Variants in ADARB2 observed in about 807,000 individuals in gnomAD.
ADARB2 encodes inactive double-stranded RNA-specific editase B2.
ADARB2 carries 25 observed loss-of-function variants against 62.2 expected under a neutral mutation model. That is an observed-to-expected ratio of 0.40 (90% confidence interval 0.29 to 0.56). ADARB2 has a LOEUF of 0.56. Among genes scored for constraint, ADARB2 ranks in the 20% least tolerant of loss-of-function variants. The probability of loss-of-function intolerance (pLI) is 0.43; values close to 1 mark genes in which losing one functional copy is unlikely to be tolerated. For missense variants in ADARB2, 1,071 were observed against 1,077.4 expected (o/e 0.99, Z 0.08); for synonymous variants, 572 against 500.8 (o/e 1.14, Z -1.90).
intron 1 of ADARB2, among the ~76,000 whole-genome samples, chr10:1,635,821 C>T (rs919859460): frequency 6.6e-6 from 1 of 152,228 alleles, no homozygotes; most frequent in Non-Finnish European, 1.5e-5. Flanking sequence ...CTGGACACCT[C>T]CTCACTCTAT....
At chr10:1,479,370 G>T (rs1831440477) in intron 1 of ADARB2, among the ~76,000 whole-genome samples, 1 of 152,154 alleles carries the variant, frequency 6.6e-6, no homozygotes, top group African/African-American at 2.4e-5. Context: ...GACAAGTTAG[G>T]GATAGCAGAT....
chr10:1,659,069 G>A (rs1834210525), intron 1 of ADARB2, among the ~76,000 whole-genome samples: 1 of 152,180 alleles, frequency 6.6e-6, no homozygotes, highest in African/African-American at 2.4e-5. Context: ...TTAATTGTCA[G>A]CCTAATTAAA....
chr10:1,182,502 G>A lies in ADARB2; in HGVS notation c.*691C>T, dbSNP rs530015226. ...CAGGCTCCCCACATCTGCAGCACGC[G>A]TGGGCCGGGTGTTTCCAGGCTCCCC... On this transcript the variant is annotated 3_prime_UTR_variant, in exon 10 of 10. Coordinates refer to ENST00000381312, the MANE Select transcript of ADARB2 (RefSeq NM_018702.4). 9.8e-5 allele frequency: 15 copies of A among 153,022 alleles called. No homozygotes were observed. Among genetic ancestry groups the A allele is most frequent in the African/African-American group, 3.6e-4 (15 of 41,516 alleles). The allele number at this position is 153,022 out of a possible 1,614,324, so 9.5% of individuals were successfully genotyped here.
rs552476416 is a variant in ADARB2, at chr10:1,354,266, C to T, written c.1077+8762G>A. On this transcript the variant is annotated intron_variant, in intron 3 of 9. Coordinates refer to ENST00000381312, the MANE Select transcript of ADARB2 (RefSeq NM_018702.4). ...GCTAAGCCATCATATTCGCTGTGACCTGCAGGTACACATCCATCTGGCCGG... is the reference window on the plus strand; with the variant it reads ...GCTAAGCCATCATATTCGCTGTGACTTGCAGGTACACATCCATCTGGCCGG... Among the ~76,000 whole-genome samples, 31 of 152,290 alleles carry T rather than the reference C, an allele frequency of 2.0e-4. No individual in the cohort carries two copies. In the South Asian group the frequency reaches 4.6e-3, roughly 22 times the overall value.
At position 1,358,054 on chromosome 10, in the gene ADARB2, C is replaced by CAGAG. The variant is rs371620862; in HGVS notation, c.1077+4970_1077+4973dup. Among the ~76,000 whole-genome samples, 533 of 152,232 alleles carry CAGAG rather than the reference C, an allele frequency of 3.5e-3. 1 individual carries two copies. Among genetic ancestry groups the CAGAG allele is most frequent in the African/African-American group, 0.012 (505 of 41,532 alleles). On this transcript the variant is annotated intron_variant, in intron 3 of 9. Transcript: ENST00000381312. ...ATAGTGTGTGTGAGAGAGGAAGTAA[C>CAGAG]AGAGAGAGAGACAGACAGAGAGAGA...
At chr10:1,636,759 T>C (rs563156605) in intron 1 of ADARB2, among the ~76,000 whole-genome samples, 1 of 149,066 alleles carries the variant, frequency 6.7e-6, no homozygotes, top group South Asian at 2.1e-4. Flanking sequence ...ATACATCATA[T>C]CAATATACAA....
intron 6 of ADARB2, among the ~76,000 whole-genome samples, chr10:1,220,089 AATGGTG>A (rs1340684553): frequency 4.3e-5 from 3 of 69,550 alleles, no homozygotes; most frequent in Non-Finnish European, 5.9e-5. Flanking sequence ...TGATGGTGGT[AATGGTG>A]ATGGTGGTGG....
chr10:1,265,349 C>T (rs1831184595), intron 4 of ADARB2, among the ~76,000 whole-genome samples: 1 of 152,240 alleles, frequency 6.6e-6, no homozygotes, highest in South Asian at 2.1e-4. Context: ...TCATGAAACA[C>T]AAGAGTTTCT....
intron 1 of ADARB2, among the ~76,000 whole-genome samples, chr10:1,488,105 T>A (rs1831566297): frequency 6.6e-6 from 1 of 152,222 alleles, no homozygotes; most frequent in Non-Finnish European, 1.5e-5. Flanking sequence ...ATTCCATTAC[T>A]TTTTATGTAT....
chr10:1,472,056 C>CT (rs1465957816), intron 1 of ADARB2, among the ~76,000 whole-genome samples: 1 of 152,234 alleles, frequency 6.6e-6, no homozygotes, highest in Non-Finnish European at 1.5e-5. Flanking sequence ...ACCCTAAAGT[C>CT]TAAGAGTTCA....
intron 1 of ADARB2, among the ~76,000 whole-genome samples, chr10:1,479,299 C>CCTGATGTG (rs1564302477): frequency 6.6e-6 from 1 of 152,114 alleles, no homozygotes; most frequent in African/African-American, 2.4e-5. Flanking sequence ...AGGAAGAAGC[C>CCTGATGTG]CTGATGTGTG....
intron 1 of ADARB2, among the ~76,000 whole-genome samples, chr10:1,624,989 A>G (rs117525282): frequency 0.011 from 1,654 of 152,332 alleles, 9 homozygotes; most frequent in Middle Eastern, 0.02. Flanking sequence ...ACATATATAT[A>G]TATGTAGAAG....
intron 1 of ADARB2, among the ~76,000 whole-genome samples, chr10:1,661,770 C>A (rs556405609): frequency 6.6e-6 from 1 of 152,298 alleles, no homozygotes; most frequent in Admixed American, 6.5e-5. Flanking sequence ...ATTGCACAGA[C>A]AGATACTTCA....
At chr10:1,725,549 C>T (rs1157483639) in intron 1 of ADARB2, among the ~76,000 whole-genome samples, 1 of 151,924 alleles carries the variant, frequency 6.6e-6, no homozygotes, top group African/African-American at 2.4e-5. Context: ...CGTCCAGGAC[C>T]CTGAAGCAGG....
In ADARB2 at chr10:1,566,102, A is replaced by C. The variant is rs1333212945; in HGVS notation, c.100+170949T>G. Reference sequence around the variant, plus strand: ...AAAAAAAAAAAAAAAAAAAAAAAAAAAAAAAAAACTCCCCTGTGTACAGTG... The same window carrying C: ...AAAAAAAAAAAAAAAAAAAAAAAAACAAAAAAAACTCCCCTGTGTACAGTG... On this transcript the variant is annotated intron_variant, in intron 1 of 9. Transcript: ENST00000381312. 7.1e-5 allele frequency among the ~76,000 whole-genome samples: 6 copies of C among 84,654 alleles called. 1 individual carries two copies. The East Asian group carries it at 1.1e-3, about 15-fold the overall frequency. The allele number at this position is 84,654 out of a possible 152,430, so 55.5% of individuals were successfully genotyped here. A position where few individuals can be genotyped will look rare whatever the true frequency, so the allele number is the denominator to read the frequency against.
At chr10:1,538,730 G>A (rs756431476) in intron 1 of ADARB2, among the ~76,000 whole-genome samples, 28 of 152,238 alleles carry the variant, frequency 1.8e-4, no homozygotes, top group African/African-American at 6.5e-4. Context: ...ACTAGAGGAC[G>A]TCACAACGTC....
In ADARB2 at chr10:1,450,590, C is replaced by T. The variant is rs182004334; in HGVS notation, c.101-71430G>A. The stretch of plus-strand genomic sequence containing the variant: ...TTTGTTGAGGATGTCTGGTTCTTCC[C>T]CAGGGGAAACTGATCACAAAGAGGA... On this transcript the variant is annotated intron_variant, in intron 1 of 9. Transcript: ENST00000381312. Among the ~76,000 whole-genome samples, 377 of 152,328 alleles carry T rather than the reference C, an allele frequency of 2.5e-3. 2 individuals carry two copies. The highest frequency in any genetic ancestry group is 8.7e-3 in the African/African-American group (363 of 41,582).
chr10:1,589,631 C>T (rs913716821), intron 1 of ADARB2, among the ~76,000 whole-genome samples: 5 of 152,218 alleles, frequency 3.3e-5, no homozygotes, highest in African/African-American at 1.2e-4. Context: ...TGGCTTCTGT[C>T]CTCGGCTGCT....
chr10:1,506,399 A>T (rs760203608), intron 1 of ADARB2, among the ~76,000 whole-genome samples: 13 of 152,224 alleles, frequency 8.5e-5, no homozygotes, highest in Non-Finnish European at 1.9e-4. Flanking sequence ...GGAAGCCCAC[A>T]GGCTGTTCAA....
Sources: allele counts gnomAD v4.1 joint callset (sites outside exome capture counted in the v4.1 genomes callset), GRCh38; gene constraint gnomAD v4.1.1; transcripts MANE v1.5; gene names NCBI Gene and HGNC (gene_info 2026-07-23, HGNC 2026-07-21).